TENM1: variants seen among roughly 807,000 people sequenced by gnomAD.
TENM1 encodes teneurin-1.
A neutral mutation model predicts 174.8 loss-of-function variants in TENM1; 35 were observed. That is an observed-to-expected ratio of 0.20 (90% CI 0.15 to 0.27). The LOEUF is 0.27. Ranked by LOEUF, TENM1 falls within the 10% of genes least tolerant of loss-of-function variation. The probability of loss-of-function intolerance (pLI) is 1.00; values close to 1 mark genes in which losing one functional copy is unlikely to be tolerated. For missense variants in TENM1, 1,633 were observed against 2,130.1 expected, an observed-to-expected ratio of 0.77 and a Z score of 4.59; for synonymous variants, 781 against 798.7, an observed-to-expected ratio of 0.98 and a Z score of 0.37.
chrX:124,553,634 A>C (rs916405003), intron 14 of TENM1, among the ~76,000 whole-genome samples: 3 of 109,943 alleles, frequency 2.7e-5, no homozygotes, highest in Admixed American at 9.8e-5. Context: ...AAAAAAAAAA[A>C]AAAAAAAAAA....
chrX:124,772,029 C>G (rs1481078096), intron 3 of TENM1, among the ~76,000 whole-genome samples: 1 of 111,944 alleles, frequency 8.9e-6, no homozygotes, highest in Non-Finnish European at 1.9e-5. Flanking sequence ...TTTCTAGACT[C>G]ACTGGTTTAA....
intron 1 of TENM1, among the ~76,000 whole-genome samples, chrX:124,938,525 T>C (rs899756006): frequency 1.8e-5 from 2 of 112,316 alleles, no homozygotes; most frequent in Non-Finnish European, 3.8e-5. Flanking sequence ...AGTAAATGAT[T>C]TGCCTCTAGC....
the TENM1 span, among the ~76,000 whole-genome samples, chrX:124,972,294 T>C: frequency 1.8e-5 from 2 of 111,667 alleles, no homozygotes; most frequent in Admixed American, 1.9e-4. Flanking sequence ...CCTTTATGCA[T>C]AGTATTTGTT....
intron 3 of TENM1, among the ~76,000 whole-genome samples, chrX:124,889,457 C>T (rs1031133548): frequency 4.5e-5 from 5 of 111,197 alleles, no homozygotes; most frequent in African/African-American, 1.6e-4. Context: ...CTTAGAGAAA[C>T]TCAACCTGCA....
At chrX:124,967,488 G>A (rs2058741103), upstream of TENM1, among the ~76,000 whole-genome samples, 1 of 111,290 alleles carries the variant, frequency 9.0e-6, no homozygotes, top group African/African-American at 3.3e-5. Flanking sequence ...GATTCATACA[G>A]CTTTAATCTA....
exon 10 of TENM1, chrX:124,645,329 G>C (rs778489815): frequency 4.1e-6 from 5 of 1,205,927 alleles, no homozygotes; most frequent in Admixed American, 4.4e-5. Context: ...CACAGCACAG[G>C]GCAGGAATCT....
At chrX:124,776,386 A>C (rs887584400) in intron 3 of TENM1, among the ~76,000 whole-genome samples, 1 of 112,155 alleles carries the variant, frequency 8.9e-6, no homozygotes, top group African/African-American at 3.2e-5. Flanking sequence ...GAAGAAGTAT[A>C]ATCAGAATAC....
chrX:124,894,690 G>A (rs1212963343), intron 2 of TENM1, among the ~76,000 whole-genome samples: 1 of 111,172 alleles, frequency 9.0e-6, no homozygotes, highest in Non-Finnish European at 1.9e-5. Flanking sequence ...TATGTCCAGA[G>A]TGAGATGAAG....
At chrX:124,559,700 G>A (rs760202195) in intron 14 of TENM1, among the ~76,000 whole-genome samples, 1 of 110,991 alleles carries the variant, frequency 9.0e-6, no homozygotes, top group African/African-American at 3.3e-5. Flanking sequence ...ACATAATGGG[G>A]ATTAAATGAA....
At chrX:124,984,377 G>A in the TENM1 span, among the ~76,000 whole-genome samples, 1,472 of 112,283 alleles carry the variant, frequency 0.013, 20 homozygotes, top group African/African-American at 0.045. Flanking sequence ...GGACGAAACG[G>A]GTTATCTCTC....
rs780209683 is a variant in TENM1, at chrX:124,812,484, A to C, written c.536-75287T>G. Among the ~76,000 whole-genome samples the C allele has an allele frequency of 4.5e-5, 5 of 111,528 alleles. No individual in the cohort carries two copies. The East Asian group carries it at 1.4e-3, about 31-fold the overall frequency. On this transcript the variant is annotated intron_variant, in intron 3 of 31. Transcript: ENST00000422452. ...TAACGTCTATCTAGCAAATGTCATG[A>C]ATTTGTCAGTATGATTAGTGATAGT... is the stretch of plus-strand genomic sequence containing the variant.
the TENM1 span, among the ~76,000 whole-genome samples, chrX:125,005,293 A>G: frequency 9.2e-6 from 1 of 108,302 alleles, no homozygotes; most frequent in Admixed American, 1.0e-4. Flanking sequence ...TTCTTTATTG[A>G]AGAGCTTTTC....
intron 3 of TENM1, among the ~76,000 whole-genome samples, chrX:124,791,107 T>C (rs1430037303): frequency 5.3e-5 from 6 of 112,265 alleles, no homozygotes; most frequent in Non-Finnish European, 1.1e-4. Flanking sequence ...TTATTTAAAA[T>C]AAATTAACAG....
intron 18 of TENM1, 67 bp downstream of exon 21, chrX:124,520,450 C>A: frequency 1.0e-6 from 1 of 963,351 alleles, no homozygotes; most frequent in Non-Finnish European, 1.4e-6. Flanking sequence ...TACAAATTAA[C>A]ATGTAACAAG....
At chrX:124,380,616 A>G in exon 32 of TENM1, 3 of 1,211,437 alleles carry the variant, frequency 2.5e-6, no homozygotes, top group Non-Finnish European at 3.4e-6. Flanking sequence ...TGCTCAACAG[A>G]CAAAACAAAA....
chrX:124,782,140 G>A (rs1394991497), intron 3 of TENM1, among the ~76,000 whole-genome samples: 1 of 111,631 alleles, frequency 9.0e-6, no homozygotes, highest in Non-Finnish European at 1.9e-5. Flanking sequence ...GATGGAAAGA[G>A]CCTGTGCCCT....
At chrX:125,037,323 CTACTCAACA>C in the TENM1 span, among the ~76,000 whole-genome samples, 2 of 110,476 alleles carry the variant, frequency 1.8e-5, no homozygotes, top group African/African-American at 6.6e-5. Context: ...AGACACAGAA[CTACTCAACA>C]TACCACGGGG....
intron 14 of TENM1, among the ~76,000 whole-genome samples, chrX:124,560,583 C>G (rs1193186374): frequency 9.0e-6 from 1 of 110,780 alleles, no homozygotes; most frequent in African/African-American, 3.3e-5. Context: ...GTTGCCTCCA[C>G]TTAATTTTGA....
the TENM1 span, among the ~76,000 whole-genome samples, chrX:125,110,033 T>C: frequency 9.0e-6 from 1 of 111,643 alleles, no homozygotes; most frequent in Admixed American, 9.5e-5. Context: ...TATGAAACAA[T>C]GAAATTAATT....
Sources: gnomAD v4.1 joint callset for allele counts (sites outside exome capture counted in the v4.1 genomes callset) on GRCh38, gnomAD v4.1.1 for gene constraint, MANE v1.5 for transcripts, NCBI Gene and HGNC (gene_info 2026-07-23, HGNC 2026-07-21) for gene names.